The following NAV1 variants were observed in gnomAD, a reference collection of about 807,000 sequenced individuals.
NAV1 encodes pore membrane and/or filament interacting like protein 3.
Under a neutral mutation model 175.2 loss-of-function variants are expected in NAV1, and 18 were observed. The ratio of observed to expected loss-of-function variants is 0.10; its 90% CI spans 0.07 to 0.15. NAV1 has a LOEUF of 0.15. Ranked by LOEUF, NAV1 falls within the 10% of genes least tolerant of loss-of-function variation. The probability of loss-of-function intolerance (pLI) is 1.00; values close to 1 mark genes in which losing one functional copy is unlikely to be tolerated. For synonymous variants in NAV1, 897 were observed against 978.7 expected (o/e 0.92, Z 1.56); for missense variants, 1,731 against 2,436.6 (o/e 0.71, Z 6.10).
upstream of NAV1, among the ~76,000 whole-genome samples, chr1:201,645,973 A>G (rs1393382459): frequency 2.0e-5 from 3 of 152,242 alleles, no homozygotes; most frequent in Non-Finnish European, 2.9e-5. Context: ...TGACTTCATT[A>G]CAAGTACCCT....
At chr1:201,794,294 G>T (rs1197521262) in intron 14 of NAV1, 172 bp from the exon 19 acceptor site, 2 of 655,178 alleles carry the variant, frequency 3.1e-6, no homozygotes, top group Admixed American at 4.3e-5. Context: ...TGGGATTACA[G>T]GTGCCCGCCA....
chr1:201,793,800 G>T lies in NAV1; in HGVS notation c.3330G>T (p.Leu1110=), dbSNP rs146792339. ...TTCTGTGTTTGTTTCAGGCTAATCTGGTGGCTGCTTTTGAGCAGAGCCTGG... is the reference window on the plus strand; with the variant it reads ...TTCTGTGTTTGTTTCAGGCTAATCTTGTGGCTGCTTTTGAGCAGAGCCTGG... Residue 1110 remains leucine (L), a synonymous_variant, in exon 14 of 30, where the codon CTG becomes CTT. Coordinates refer to ENST00000367296, the Ensembl canonical transcript of NAV1. 6,042 of 1,613,436 alleles carry T rather than the reference G, an allele frequency of 3.7e-3. 13 individuals are homozygous for T. Among genetic ancestry groups the T allele is most frequent in the Non-Finnish European group, 4.8e-3 (5,701 of 1,179,846 alleles).
chr1:201,766,400 TA>T (rs1675212804), intron 3 of NAV1, among the ~76,000 whole-genome samples: 1 of 152,006 alleles, frequency 6.6e-6, no homozygotes, highest in Non-Finnish European at 1.5e-5. Flanking sequence ...GGATGAGGAG[TA>T]GGAGAGGTTA....
chr1:201,626,767 A>G (rs1408885170), intron 1 of NAV1, among the ~76,000 whole-genome samples: 2 of 152,150 alleles, frequency 1.3e-5, no homozygotes, highest in African/African-American at 2.4e-5. Context: ...ACTATGGTTA[A>G]TGGTATCAGG....
chr1:201,717,566 G>C (rs191390170), intron 2 of NAV1, among the ~76,000 whole-genome samples: 191 of 152,320 alleles, frequency 1.3e-3, no homozygotes, highest in Non-Finnish European at 2.1e-3. Context: ...CACTCACCTG[G>C]GCATTGCTCC....
intron 1 of NAV1, among the ~76,000 whole-genome samples, chr1:201,669,952 C>G (rs1405098319): frequency 6.6e-6 from 1 of 151,934 alleles, no homozygotes; most frequent in Admixed American, 6.5e-5. Context: ...CATCTCTGAT[C>G]CTGTGCATTG....
chr1:201,804,256 C>G (rs1461927261), intron 16 of NAV1, among the ~76,000 whole-genome samples: 1 of 152,010 alleles, frequency 6.6e-6, no homozygotes, highest in Non-Finnish European at 1.5e-5. Context: ...TTCGTATGAC[C>G]TTTCTGAAAT....
At chr1:201,757,675 A>G (rs1292448902) in intron 3 of NAV1, among the ~76,000 whole-genome samples, 2 of 152,242 alleles carry the variant, frequency 1.3e-5, no homozygotes. Context: ...GGCATCTGCC[A>G]TTAACCTGGG....
chr1:201,781,840 A>G (rs908428905), intron 5 of NAV1, among the ~76,000 whole-genome samples: 2 of 152,048 alleles, frequency 1.3e-5, no homozygotes, highest in African/African-American at 4.8e-5. Flanking sequence ...ACTCTATTCC[A>G]TTTGCTTCCC....
chr1:201,540,040 G>A (rs1665461236), intron 1 of NAV1, among the ~76,000 whole-genome samples: 1 of 152,222 alleles, frequency 6.6e-6, no homozygotes, highest in African/African-American at 2.4e-5. Context: ...CGAGGCTTGG[G>A]CTCTGGTCCC....
chr1:201,779,249 G>C (rs888475653), intron 3 of NAV1, among the ~76,000 whole-genome samples: 5 of 152,138 alleles, frequency 3.3e-5, no homozygotes, highest in African/African-American at 1.2e-4. Context: ...GAGGAGGCTA[G>C]TTTTGAGGCT....
chr1:201,787,037 C>T lies in NAV1; in HGVS notation c.2995+460C>T, dbSNP rs755251095. Among the ~76,000 whole-genome samples, 8 of 152,238 alleles carry T rather than the reference C, an allele frequency of 5.3e-5. No homozygotes were observed. Among genetic ancestry groups the T allele is most frequent in the Non-Finnish European group, 1.0e-4 (7 of 68,042 alleles). On this transcript the variant is annotated intron_variant, in intron 9 of 29. Transcript: ENST00000367296. This position sits in a 1 kb window ranked among gnomAD's most constrained non-coding sequence, Gnocchi z 4.3. ...TCCAAACTCAGCCAAGTCCAGATTCCTCAACTGCTCTGGCTGAGCCCAGGC... is the reference window on the plus strand; with the variant it reads ...TCCAAACTCAGCCAAGTCCAGATTCTTCAACTGCTCTGGCTGAGCCCAGGC...
At chr1:201,695,162 C>A (rs1217211624) in intron 1 of NAV1, among the ~76,000 whole-genome samples, 1 of 152,232 alleles carries the variant, frequency 6.6e-6, no homozygotes, top group Non-Finnish European at 1.5e-5. Flanking sequence ...TCTTGGCCCC[C>A]CTGGATGGGC....
intron 1 of NAV1, among the ~76,000 whole-genome samples, chr1:201,566,324 T>G (rs2102162294): frequency 6.6e-6 from 1 of 152,190 alleles, no homozygotes; most frequent in African/African-American, 2.4e-5. Context: ...CCAGGAAGGC[T>G]TCCCCCTGAG....
At chr1:201,662,144 G>A (rs575297354) in intron 1 of NAV1, among the ~76,000 whole-genome samples, 1 of 152,186 alleles carries the variant, frequency 6.6e-6, no homozygotes, top group Non-Finnish European at 1.5e-5. Flanking sequence ...TGGCATTCTT[G>A]CATCCCACAG....
Position 201,782,264 on chromosome 1 carries a change from C to A in NAV1, c.1752C>A (p.Asp584Glu), listed in dbSNP as rs764266510. 1 of 1,614,198 alleles carries A rather than the reference C, an allele frequency of 6.2e-7. No homozygotes were observed. Among genetic ancestry groups the A allele is most frequent in the East Asian group, 2.2e-5 (1 of 44,872 alleles). ...GCTCCTCCTCTGATGCTGGTCGGGA[C>A]CGCCTGAGTGATGCTAAGAAGCCCC... The change falls in exon 6 of 30, where the codon GAC (aspartate) becomes GAA (glutamate). Residue 584 changes from aspartate to glutamate, a missense_variant. Physicochemically the swap from Asp to Glu is conservative, Grantham distance 45. This residue lies in a region of NAV1 where 634 missense variants were observed against 766.8 expected (regional missense o/e 0.83). Transcript: ENST00000367296. This position sits in a 1 kb window ranked among gnomAD's most constrained non-coding sequence, Gnocchi z 5.4.
chr1:201,703,271 A>G (rs1671521067), intron 1 of NAV1, among the ~76,000 whole-genome samples: 1 of 152,188 alleles, frequency 6.6e-6, no homozygotes, highest in South Asian at 2.1e-4. Context: ...CCTGTTGGGG[A>G]ACAGAGGGCC....
chr1:201,671,488 C>T (rs556712283), intron 1 of NAV1, among the ~76,000 whole-genome samples: 1 of 152,294 alleles, frequency 6.6e-6, no homozygotes, highest in Non-Finnish European at 1.5e-5. Context: ...GACACTGAGG[C>T]TAACAGTGCT....
At chr1:201,814,768 G>A (rs375425881) in intron 28 of NAV1, among the ~76,000 whole-genome samples, 7 of 151,924 alleles carry the variant, frequency 4.6e-5, no homozygotes, top group South Asian at 2.1e-4. Context: ...AGCCGGGTGC[G>A]GTGGCTCACG....
Sources: gnomAD v4.1 joint callset for allele counts (sites outside exome capture counted in the v4.1 genomes callset) on GRCh38, gnomAD v4.1.1 for gene constraint, gnomAD v4.1.1 regional missense constraint, Gnocchi (gnomAD v3.1) non-coding constraint, MANE v1.5 for transcripts, NCBI Gene and HGNC (gene_info 2026-07-23, HGNC 2026-07-21) for gene names.